The following COL4A4 variants were observed in gnomAD, a reference collection of about 807,000 sequenced individuals.
The protein encoded by COL4A4 is collagen type IV alpha 4 chain.
A neutral mutation model predicts 192.9 loss-of-function variants in COL4A4; 105 were observed. The observed-to-expected ratio is 0.54, with a 90% CI of 0.46 to 0.64. The LOEUF (loss-of-function observed/expected upper bound fraction) is 0.64. Among genes scored for constraint, COL4A4 ranks in the 30% least tolerant of loss-of-function variants. COL4A4 has a pLI of 0.00. For missense variants in COL4A4, 1,967 were observed against 2,169.3 expected, an observed-to-expected ratio of 0.91 and a Z score of 1.85; for synonymous variants, 762 against 769.9, an observed-to-expected ratio of 0.99 and a Z score of 0.17.
chr2:227,015,228 C>T (rs1375180301), intron 44 of COL4A4, among the ~76,000 whole-genome samples: 1 of 152,092 alleles, frequency 6.6e-6, no homozygotes, highest in Admixed American at 6.5e-5. Context: ...TGTTCTTATC[C>T]ATTACACTAT....
chr2:227,041,638 C>CA (rs549967665), intron 37 of COL4A4, among the ~76,000 whole-genome samples: 12 of 91,056 alleles, frequency 1.3e-4, no homozygotes, highest in Admixed American at 4.8e-4. Flanking sequence ...AAGACACCAT[C>CA]AAAAAAAAAG....
Position 227,050,964 on chromosome 2 carries a change from A to C in COL4A4, c.3150+13T>G. ...TTTATTGTCTCTTCCCCCACAAAGC[A>C]GTAGCCCCTTACCTGGTCACCTGGA... On this transcript the variant is annotated intron_variant, in intron 33 of 47. Transcript: ENST00000396625. 6.2e-7 allele frequency: 1 copy of C among 1,614,202 alleles called. No individual in the cohort carries two copies. The highest frequency in any genetic ancestry group is 1.3e-5 in the African/African-American group (1 of 75,046).
At chr2:227,020,672 G>C (rs893337841) in intron 44 of COL4A4, among the ~76,000 whole-genome samples, 7 of 146,544 alleles carry the variant, frequency 4.8e-5, no homozygotes, top group Admixed American at 2.6e-4. Flanking sequence ...GGGGCAGTGA[G>C]GGGGGGTGAA....
At chr2:227,109,054 A>T (rs1576573570) in intron 10 of COL4A4, 170 bp downstream of exon 10, 1 of 883,860 alleles carries the variant, frequency 1.1e-6, no homozygotes, top group East Asian at 2.4e-5. Context: ...ATCCGCAGGG[A>T]CCTGTGCTTC....
chr2:227,045,159 T>C (rs2150119785), intron 35 of COL4A4, among the ~76,000 whole-genome samples: 1 of 152,284 alleles, frequency 6.6e-6, no homozygotes, highest in Admixed American at 6.5e-5. Flanking sequence ...CTGATGATGG[T>C]GATGATGACA....
At position 227,070,222 on chromosome 2, in the gene COL4A4, A is replaced by G. The variant is rs1208380870; in HGVS notation, c.1988-7624T>C. 9.6e-4 allele frequency among the ~76,000 whole-genome samples: 144 copies of G among 150,532 alleles called. 1 individual carries two copies. The highest frequency in any genetic ancestry group is 2.9e-3 in the African/African-American group (118 of 40,952). On this transcript the variant is annotated intron_variant, in intron 25 of 47. Coordinates refer to ENST00000396625, the MANE Select transcript of COL4A4 (RefSeq NM_000092.5). ...ATCATTAAAAAGTCAGGAAACAACA[A>G]GTGCTGGAGAGGATGTGGAGAAATA...
In COL4A4 at chr2:227,102,935, AC is replaced by A; in HGVS notation, c.871-88del. On this transcript the variant is annotated intron_variant, in intron 14 of 47. Transcript: ENST00000396625. ...AATATTTCAGCAATAGGGAAAAAAA[AC>A]AAAATGAGAAACAAAAATTATTGTC... is the stretch of plus-strand genomic sequence containing the variant. 8.5e-6 allele frequency: 10 copies of A among 1,177,996 alleles called. No individual in the cohort carries two copies. The South Asian group carries it at 8.7e-5, about 10-fold the overall frequency. 73.0% of individuals were successfully genotyped at this position (1,177,996 alleles called of 1,614,324 possible). A position where few individuals can be genotyped will look rare whatever the true frequency, so the allele number is the denominator to read the frequency against.
At chr2:227,030,028 C>T (rs752863116) in intron 41 of COL4A4, among the ~76,000 whole-genome samples, 24 of 152,032 alleles carry the variant, frequency 1.6e-4, no homozygotes, top group Non-Finnish European at 2.6e-4. Flanking sequence ...TAGGTTTGCA[C>T]AATCAGCTCA....
intron 21 of COL4A4, 50 bp downstream of exon 21, chr2:227,089,818 C>T: frequency 6.9e-7 from 1 of 1,440,552 alleles, no homozygotes; most frequent in Non-Finnish European, 9.8e-7. Context: ...TGCCCCCGAT[C>T]ATCCATGTAC....
intron 22 of COL4A4, among the ~76,000 whole-genome samples, chr2:227,088,247 T>C (rs1237582406): frequency 6.6e-6 from 1 of 152,234 alleles, no homozygotes; most frequent in African/African-American, 2.4e-5. Flanking sequence ...GTGTCTGATA[T>C]GGTTTGGCTT....
chr2:226,977,352 C>T, the COL4A4 span, among the ~76,000 whole-genome samples: 1 of 152,282 alleles, frequency 6.6e-6, no homozygotes, highest in Non-Finnish European at 1.5e-5. Context: ...GCCTTGTCTG[C>T]CCCACTGAGT....
Position 227,094,112 on chromosome 2 carries a change from A to C in COL4A4, c.1369+13T>G. The C allele has an allele frequency of 6.2e-7, 1 of 1,612,226 alleles. No individual in the cohort carries two copies. On this transcript the variant is annotated intron_variant, in intron 20 of 47. Coordinates refer to ENST00000396625, the MANE Select transcript of COL4A4 (RefSeq NM_000092.5). ...GCATAAATGCTAATGGATATGAATA[A>C]GGAGTACTTTACCACTTGATCCTGG...
intron 25 of COL4A4, among the ~76,000 whole-genome samples, chr2:227,072,537 C>T (rs1386218113): frequency 2.0e-5 from 3 of 151,832 alleles, no homozygotes; most frequent in Non-Finnish European, 4.4e-5. Flanking sequence ...AGAAGGCATC[C>T]TCCCTAAATC....
At chr2:226,986,463 A>G in the COL4A4 span, among the ~76,000 whole-genome samples, 1 of 152,222 alleles carries the variant, frequency 6.6e-6, no homozygotes, top group Non-Finnish European at 1.5e-5. Flanking sequence ...TTCCAAAATA[A>G]AAAGTTTATT....
At chr2:227,142,465 G>C (rs909562308) in intron 3 of COL4A4, among the ~76,000 whole-genome samples, 2 of 152,084 alleles carry the variant, frequency 1.3e-5, no homozygotes, top group African/African-American at 4.8e-5. Flanking sequence ...ACATAGAAAA[G>C]TTCAAAGGCT....
chr2:227,160,268 C>T (rs938155414), intron 1 of COL4A4, among the ~76,000 whole-genome samples: 19 of 152,148 alleles, frequency 1.2e-4, no homozygotes, highest in African/African-American at 3.9e-4. Flanking sequence ...ACAAGTGGCA[C>T]GATGTGTGTG....
chr2:227,133,238 G>A (rs1161584741), intron 4 of COL4A4, among the ~76,000 whole-genome samples: 1 of 152,188 alleles, frequency 6.6e-6, no homozygotes, highest in Admixed American at 6.5e-5. Context: ...TGACTGACCA[G>A]GGCAGATGTG....
intron 37 of COL4A4, among the ~76,000 whole-genome samples, chr2:227,034,551 TTTAATTAA>T (rs1289560959): frequency 2.0e-5 from 3 of 148,576 alleles, no homozygotes; most frequent in African/African-American, 5.1e-5. Context: ...CTTTTTTTTT[TTTAATTAA>T]TTAATTAATT....
chr2:227,060,153 T>G lies in COL4A4; in HGVS notation c.2147A>C (p.Glu716Ala). Reference sequence around the variant, plus strand: ...TCACTGACCAGGTGGACCTGGTATTTCCGCTGTTCCTGGTGTGCCAGGTCT... The same window carrying G: ...TCACTGACCAGGTGGACCTGGTATTGCCGCTGTTCCTGGTGTGCCAGGTCT... ...KGRPGTPGTA[E>A]IPGPPGFRGD... Residue 716 changes from glutamate to alanine, a missense_variant, in exon 27 of 48, where the codon GAA becomes GCA. Transcript: ENST00000396625. 3 of 1,540,868 alleles carry G rather than the reference T, an allele frequency of 1.9e-6. No homozygotes were observed. Among genetic ancestry groups the G allele is most frequent in the Non-Finnish European group, 2.7e-6 (3 of 1,126,906 alleles).
Sources: gnomAD v4.1 joint callset for allele counts (sites outside exome capture counted in the v4.1 genomes callset) on GRCh38, gnomAD v4.1.1 for gene constraint, MANE v1.5 for transcripts, NCBI Gene and HGNC (gene_info 2026-07-23, HGNC 2026-07-21) for gene names.